Variants in ZNF248 observed in about 807,000 individuals in gnomAD.
ZNF248 encodes KRAB protein domain.
Under a neutral mutation model 44.3 loss-of-function variants are expected in ZNF248, and 20 were observed. The ratio of observed to expected loss-of-function variants is 0.45; its 90% CI spans 0.32 to 0.66. The LOEUF is 0.66. Ranked by LOEUF, ZNF248 falls within the 30% of genes least tolerant of loss-of-function variation. ZNF248 has a pLI of 0.04. For synonymous variants in ZNF248, 224 were observed against 229.0 expected (o/e 0.98, Z 0.20); for missense variants, 654 against 677.0 (o/e 0.97, Z 0.38).
chr10:37,779,985 A>G (rs1198021172), intron 6 of ZNF248, among the ~76,000 whole-genome samples: 2 of 150,172 alleles, frequency 1.3e-5, no homozygotes, highest in Non-Finnish European at 3.0e-5. Flanking sequence ...TTCAAGGAGA[A>G]CTACAAACCA....
rs1564569762 is a variant in ZNF248, at chr10:37,831,684, A to T, written c.1671T>A (p.Phe557Leu). The T allele has an allele frequency of 6.2e-7, 1 of 1,613,950 alleles. No individual in the cohort carries two copies. Among genetic ancestry groups the T allele is most frequent in the South Asian group, 1.1e-5 (1 of 91,076 alleles). Reference protein sequence around the residue: ...PYECNACGKTFSQRSVLTKHQ... With the variant: ...PYECNACGKTLSQRSVLTKHQ... ...GTTTGGTGAGCACTGACCTCTGACT[A>T]AAGGTCTTCCCACATGCATTACACT... The change falls in exon 6 of 6, where the codon TTT becomes TTA. Residue 557 changes from phenylalanine to leucine, a missense_variant. Coordinates refer to ENST00000395867, the MANE Select transcript of ZNF248 (RefSeq NM_021045.3).
At chr10:37,790,336 T>C (rs867542007) in intron 6 of ZNF248, among the ~76,000 whole-genome samples, 98 of 151,692 alleles carry the variant, frequency 6.5e-4, no homozygotes, top group Middle Eastern at 3.5e-3. Flanking sequence ...ATCCAGCATT[T>C]TGGGAGGCTG....
chr10:37,816,224 G>A (rs560264743), intron 6 of ZNF248, among the ~76,000 whole-genome samples: 5 of 152,244 alleles, frequency 3.3e-5, no homozygotes, highest in African/African-American at 1.2e-4. Flanking sequence ...TAAGGGGAAG[G>A]ACTTGCAACA....
At chr10:37,856,412 A>G (rs1458913809) in intron 2 of ZNF248, 23 bp downstream of exon 2, 3 of 1,570,344 alleles carry the variant, frequency 1.9e-6, no homozygotes, top group Non-Finnish European at 2.6e-6. Context: ...CTGCCTATAC[A>G]GGTCCACACA....
intron 4 of ZNF248, 136 bp from the exon 5 acceptor site, chr10:37,837,848 C>A (rs2057532361): frequency 2.2e-6 from 3 of 1,372,028 alleles, no homozygotes; most frequent in African/African-American, 2.9e-5. Context: ...TCTGACAAGG[C>A]AAGAGCACCT....
chr10:37,784,785 G>A (rs1334190967), intron 6 of ZNF248, among the ~76,000 whole-genome samples: 1 of 152,178 alleles, frequency 6.6e-6, no homozygotes, highest in Non-Finnish European at 1.5e-5. Context: ...GGAACCCGGT[G>A]AGGAGAAAGA....
At chr10:37,799,886 G>C (rs2049591658) in intron 6 of ZNF248, among the ~76,000 whole-genome samples, 1 of 151,968 alleles carries the variant, frequency 6.6e-6, no homozygotes, top group African/African-American at 2.4e-5. Flanking sequence ...ATTGATTCAA[G>C]ACTTAAATAT....
intron 3 of ZNF248, 61 bp downstream of exon 3, chr10:37,856,235 C>A: frequency 6.4e-7 from 1 of 1,572,572 alleles, no homozygotes; most frequent in Non-Finnish European, 8.7e-7. Flanking sequence ...AAACATAAAC[C>A]CTTATAAACT....
At chr10:37,794,726 A>G (rs1421853804) in intron 6 of ZNF248, 1 of 162,834 alleles carries the variant, frequency 6.1e-6, no homozygotes, top group Non-Finnish European at 1.4e-5. Flanking sequence ...AGATTGTCCC[A>G]CATTCAGTAC....
intron 6 of ZNF248, chr10:37,796,095 AGTCT>A (rs1255181745): frequency 5.9e-5 from 9 of 152,204 alleles, no homozygotes; most frequent in Admixed American, 4.6e-4. Flanking sequence ...AATTGGTTAT[AGTCT>A]GTCTATTTGA....
chr10:37,820,371 C>T (rs1231790022), intron 6 of ZNF248: 8 of 1,455,918 alleles, frequency 5.5e-6, no homozygotes, highest in Admixed American at 3.4e-5. Flanking sequence ...TGGGTCAAGC[C>T]GAGGTTTTGT....
chr10:37,788,190 A>C (rs1438289716), intron 6 of ZNF248, among the ~76,000 whole-genome samples: 1 of 149,524 alleles, frequency 6.7e-6, no homozygotes, highest in Non-Finnish European at 1.5e-5. Flanking sequence ...GCTTGAACCC[A>C]GGAGGTGGAG....
intron 5 of ZNF248, among the ~76,000 whole-genome samples, 173 bp downstream of exon 5, chr10:37,837,444 T>C (rs1049434228): frequency 6.6e-6 from 1 of 152,164 alleles, no homozygotes; most frequent in Non-Finnish European, 1.5e-5. Flanking sequence ...GAATAACATA[T>C]GGAGGAGTGA....
At chr10:37,774,355 A>G (rs750516251), downstream of ZNF248, among the ~76,000 whole-genome samples, 1 of 152,234 alleles carries the variant, frequency 6.6e-6, no homozygotes, top group Non-Finnish European at 1.5e-5. Flanking sequence ...TGCTTTGCTC[A>G]GCGAGAGCAC....
chr10:37,791,596 G>A (rs965967267), intron 6 of ZNF248: 1 of 152,172 alleles, frequency 6.6e-6, no homozygotes, highest in African/African-American at 2.4e-5. Context: ...GAGACAGATG[G>A]ATTTCAGTGG....
intron 3 of ZNF248, among the ~76,000 whole-genome samples, chr10:37,847,123 C>A (rs905039241): frequency 6.6e-6 from 1 of 152,178 alleles, no homozygotes; most frequent in Non-Finnish European, 1.5e-5. Flanking sequence ...GCAACCTCCA[C>A]TTCCTGGGAT....
chr10:37,847,106 T>A (rs12098614), intron 3 of ZNF248, among the ~76,000 whole-genome samples: 1,619 of 152,254 alleles, frequency 0.011, 25 homozygotes, highest in South Asian at 0.059. Context: ...CACAATCTCA[T>A]CTCACTGCAA....
the ZNF248 span, among the ~76,000 whole-genome samples, chr10:37,762,032 T>C: frequency 6.6e-6 from 1 of 152,218 alleles, no homozygotes; most frequent in Admixed American, 6.5e-5. Flanking sequence ...AATCTGTTAA[T>C]CATTATGAAA....
At chr10:37,786,927 A>G (rs1353059972) in intron 6 of ZNF248, among the ~76,000 whole-genome samples, 1 of 152,186 alleles carries the variant, frequency 6.6e-6, no homozygotes, top group East Asian at 1.9e-4. Context: ...GTCATGTCTA[A>G]GAAACCAAAA....
Sources: gnomAD v4.1 joint callset for allele counts (sites outside exome capture counted in the v4.1 genomes callset) on GRCh38, gnomAD v4.1.1 for gene constraint, MANE v1.5 for transcripts, NCBI Gene and HGNC (gene_info 2026-07-23, HGNC 2026-07-21) for gene names.